Variants in RBBP4 observed in about 807,000 individuals in gnomAD.
RBBP4 encodes histone-binding protein RBBP4.
In RBBP4, 3 loss-of-function variants were observed where a neutral mutation model predicts 57.2. The observed-to-expected ratio is 0.05, with a 90% CI of 0.02 to 0.14. The LOEUF is 0.14. RBBP4 is among the 10% of genes least tolerant of loss of function. RBBP4 has a pLI of 1.00. For missense variants in RBBP4, 107 were observed against 520.6 expected (o/e 0.21, Z 7.73); for synonymous variants, 151 against 171.5 (o/e 0.88, Z 0.93).
chr1:32,684,317 C>T lies in RBBP4; in HGVS notation c.*4612C>T, dbSNP rs1649664382. 1 of 1,614,068 alleles carries T rather than the reference C, an allele frequency of 6.2e-7. No individual in the cohort carries two copies. Among genetic ancestry groups the T allele is most frequent in the Admixed American group, 1.7e-5 (1 of 59,998 alleles). Reference sequence around the variant, plus strand: ...TTAGCTGTTCCATCTCTTTGTTCTTCTGTTGCTGGAGTTGCACCCCATTTC... The same window carrying T: ...TTAGCTGTTCCATCTCTTTGTTCTTTTGTTGCTGGAGTTGCACCCCATTTC... On this transcript the variant is annotated 3_prime_UTR_variant, in exon 12 of 12. Coordinates refer to ENST00000373493, the MANE Select transcript of RBBP4 (RefSeq NM_005610.3).
intron 8 of RBBP4, among the ~76,000 whole-genome samples, chr1:32,670,479 C>G (rs563893153): frequency 6.0e-4 from 91 of 152,170 alleles, no homozygotes; most frequent in Non-Finnish European, 4.4e-5. Context: ...AAGAAATAAT[C>G]ACTGCACTAT....
At chr1:32,652,110 T>A in intron 2 of RBBP4, 49 bp downstream of exon 2, 1 of 1,554,248 alleles carries the variant, frequency 6.4e-7, no homozygotes, top group Non-Finnish European at 8.7e-7. Context: ...CAGTGTAGAT[T>A]TCTCATATTG....
intron 11 of RBBP4, among the ~76,000 whole-genome samples, chr1:32,676,689 T>G (rs527947754): frequency 1.3e-5 from 2 of 152,260 alleles, no homozygotes; most frequent in Admixed American, 1.3e-4. Context: ...TCTTTAGACC[T>G]TTCTGTATTA....
At chr1:32,675,155 C>T (rs995399059) in intron 11 of RBBP4, among the ~76,000 whole-genome samples, 4 of 151,560 alleles carry the variant, frequency 2.6e-5, no homozygotes, top group Non-Finnish European at 4.4e-5. Context: ...CTCAGCCTCC[C>T]GAGTAGCTGA....
chr1:32,657,030 C>T (rs981385799), intron 2 of RBBP4, among the ~76,000 whole-genome samples: 4 of 152,046 alleles, frequency 2.6e-5, no homozygotes, highest in Non-Finnish European at 4.4e-5. Context: ...AATCTCTGCA[C>T]GTTGGGAGGC....
intron 11 of RBBP4, among the ~76,000 whole-genome samples, chr1:32,678,626 G>A (rs1649231019): frequency 1.8e-5 from 2 of 112,416 alleles, no homozygotes; most frequent in Admixed American, 2.5e-4. Context: ...GTCTTGCTTT[G>A]CCACCCAGGC....
At position 32,657,493 on chromosome 1, in the gene RBBP4, C is replaced by T; in HGVS notation, c.231C>T (p.Asn77=). Residue 77 remains asparagine (N), a synonymous_variant, in exon 3 of 12, where the codon AAC becomes AAT. Coordinates refer to ENST00000373493, the MANE Select transcript of RBBP4 (RefSeq NM_005610.3). ...VLGTHTSDEQ[N]HLVIASVQLP... is the part of the protein sequence containing the mutation. ...GGACACACACATCGGATGAACAAAA[C>T]CATCTTGTTATAGCCAGTGTGCAGC... 6.2e-7 allele frequency: 1 copy of T among 1,614,012 alleles called. No individual in the cohort carries two copies. The highest frequency in any genetic ancestry group is 8.5e-7 in the Non-Finnish European group (1 of 1,179,906).
chr1:32,681,272 T>G lies in RBBP4; in HGVS notation c.*1567T>G, dbSNP rs1296011877. On this transcript the variant is annotated 3_prime_UTR_variant, in exon 12 of 12. Transcript: ENST00000373493. ...TGGTTTCTTTTCAAGTCTAGTTGTT[T>G]TAGAGTATAGTGAGAAATACCTTGA... The G allele has an allele frequency of 2.0e-5, 3 of 152,682 alleles. No individual in the cohort carries two copies. The highest frequency in any genetic ancestry group is 7.2e-5 in the African/African-American group (3 of 41,464). 9.5% of individuals were successfully genotyped at this position (152,682 alleles called of 1,614,324 possible). A position where few individuals can be genotyped will look rare whatever the true frequency, so the allele number is the denominator to read the frequency against.
intron 2 of RBBP4, chr1:32,652,275 C>G (rs955791398): frequency 1.5e-5 from 8 of 544,518 alleles, no homozygotes; most frequent in East Asian, 9.1e-5. Context: ...TTTCTCAATA[C>G]TGAATTAAAT....
At chr1:32,675,694 G>A (rs1187250515) in intron 11 of RBBP4, among the ~76,000 whole-genome samples, 1 of 151,708 alleles carries the variant, frequency 6.6e-6, no homozygotes, top group Non-Finnish European at 1.5e-5. Context: ...GCGTGAACCC[G>A]GGAGGCAGGA....
At chr1:32,656,036 C>G (rs868049415) in intron 2 of RBBP4, among the ~76,000 whole-genome samples, 1 of 152,150 alleles carries the variant, frequency 6.6e-6, no homozygotes, top group Admixed American at 6.6e-5. Context: ...TACAGAATGC[C>G]TTAAGACGGC....
chr1:32,682,218 A>C lies in RBBP4; in HGVS notation c.*2513A>C. ...CAATTGCAAGGTTATAATTTCTCAA[A>C]CATTAAGCATATTATCAGTCATGTG... On this transcript the variant is annotated 3_prime_UTR_variant, in exon 12 of 12. Coordinates refer to ENST00000373493, the MANE Select transcript of RBBP4 (RefSeq NM_005610.3). 4.4e-6 allele frequency: 1 copy of C among 228,124 alleles called. No individual in the cohort carries two copies. The allele number at this position is 228,124 out of a possible 1,614,324, so 14.1% of individuals were successfully genotyped here.
In RBBP4 at chr1:32,668,556, T is replaced by C. The variant is rs1056986723; in HGVS notation, c.484+158T>C. On this transcript the variant is annotated intron_variant, in intron 4 of 11. Coordinates refer to ENST00000373493, the MANE Select transcript of RBBP4 (RefSeq NM_005610.3). The stretch of plus-strand genomic sequence containing the variant: ...TCTTCATTTTGCCTCCATGAAAAAA[T>C]AATGCTTTTTTACATAGAACAAAAT... 1.8e-5 allele frequency: 17 copies of C among 943,578 alleles called. No individual in the cohort carries two copies. The Admixed American group carries it at 4.7e-4, about 26-fold the overall frequency. 58.5% of individuals were successfully genotyped at this position (943,578 alleles called of 1,614,324 possible).
intron 3 of RBBP4, among the ~76,000 whole-genome samples, chr1:32,660,963 C>G (rs533590239): frequency 3.3e-5 from 5 of 152,292 alleles, no homozygotes; most frequent in Non-Finnish European, 7.3e-5. Context: ...GCATGCGCCA[C>G]CATGCCCAGC....
At position 32,657,696 on chromosome 1, in the gene RBBP4, T is replaced by C. The variant is rs145310387; in HGVS notation, c.310+124T>C. 103 of 1,098,378 alleles carry C rather than the reference T, an allele frequency of 9.4e-5. 1 individual carries two copies. In the East Asian group the frequency reaches 2.6e-3, roughly 28 times the overall value. The allele number at this position is 1,098,378 out of a possible 1,614,324, so 68.0% of individuals were successfully genotyped here. On this transcript the variant is annotated intron_variant, in intron 3 of 11. Coordinates refer to ENST00000373493, the MANE Select transcript of RBBP4 (RefSeq NM_005610.3). Reference sequence around the variant, plus strand: ...GTTGAGGGAAAGCCTGAGTTTGCAATGGTAGGTATTTATATTTATATTAGA... The same window carrying C: ...GTTGAGGGAAAGCCTGAGTTTGCAACGGTAGGTATTTATATTTATATTAGA...
At chr1:32,652,593 T>G (rs1352341797) in intron 2 of RBBP4, 1 of 152,800 alleles carries the variant, frequency 6.5e-6, no homozygotes, top group Non-Finnish European at 1.5e-5. Flanking sequence ...CAGGCTGGAG[T>G]GCAGTGGCGC....
Position 32,669,482 on chromosome 1 carries a change from A to G in RBBP4, c.889-4A>G, listed in dbSNP as rs1187000849. 3.1e-6 allele frequency: 5 copies of G among 1,599,982 alleles called. No homozygotes were observed. The highest frequency in any genetic ancestry group is 2.2e-5 in the South Asian group (2 of 89,446). On this transcript the variant is annotated splice_region_variant and splice_polypyrimidine_tract_variant and intron_variant, in intron 7 of 11. Coordinates refer to ENST00000373493, the MANE Select transcript of RBBP4 (RefSeq NM_005610.3). This position sits in a 1 kb window ranked among gnomAD's most constrained non-coding sequence, Gnocchi z 4.9. ...ATTACTCTTGCTTTTCTTTTTGTACATAGACTGTTGCCTTGTGGGATCTGA... is the reference window on the plus strand; with the variant it reads ...ATTACTCTTGCTTTTCTTTTTGTACGTAGACTGTTGCCTTGTGGGATCTGA...
chr1:32,678,467 T>TA (rs890424386), intron 11 of RBBP4, among the ~76,000 whole-genome samples: 5 of 151,254 alleles, frequency 3.3e-5, no homozygotes, highest in African/African-American at 1.2e-4. Flanking sequence ...CCTCAGGTGA[T>TA]ACGCCTGCCT....
Position 32,680,694 on chromosome 1 carries a change from A to G in RBBP4, c.*989A>G, listed in dbSNP as rs1464889755. 2 of 683,256 alleles carry G rather than the reference A, an allele frequency of 2.9e-6. No individual in the cohort carries two copies. The highest frequency in any genetic ancestry group is 3.8e-5 in the African/African-American group (2 of 53,226). 42.3% of individuals were successfully genotyped at this position (683,256 alleles called of 1,614,324 possible). On this transcript the variant is annotated 3_prime_UTR_variant, in exon 12 of 12. Transcript: ENST00000373493. ...TTTTATTTAGTATAAAACATCCATCAAACACCAGTCTCTGGCTTCTAGAAG... is the reference window on the plus strand; with the variant it reads ...TTTTATTTAGTATAAAACATCCATCGAACACCAGTCTCTGGCTTCTAGAAG...
Sources: allele counts gnomAD v4.1 joint callset (sites outside exome capture counted in the v4.1 genomes callset), GRCh38; gene constraint gnomAD v4.1.1; non-coding constraint Gnocchi (gnomAD v3.1); transcripts MANE v1.5; gene names NCBI Gene and HGNC (gene_info 2026-07-23, HGNC 2026-07-21).